Variants in JAKMIP2 observed in about 807,000 individuals in gnomAD.
The protein encoded by JAKMIP2 is janus kinase and microtubule-interacting protein 2.
In JAKMIP2, 25 loss-of-function variants were observed where a neutral mutation model predicts 115.0. The ratio of observed to expected loss-of-function variants is 0.22; its 90% CI spans 0.16 to 0.30. JAKMIP2 has a LOEUF of 0.30. Among genes scored for constraint, JAKMIP2 ranks in the 10% least tolerant of loss-of-function variants. JAKMIP2 has a pLI of 1.00. For synonymous variants in JAKMIP2, 334 were observed against 343.6 expected (o/e 0.97, Z 0.31); for missense variants, 642 against 957.6 (o/e 0.67, Z 4.35).
At chr5:147,648,100 G>C (rs1417447065) in intron 5 of JAKMIP2, among the ~76,000 whole-genome samples, 1 of 152,142 alleles carries the variant, frequency 6.6e-6, no homozygotes, top group African/African-American at 2.4e-5. Context: ...AATGGTGATA[G>C]ACATCTATGG....
intron 14 of JAKMIP2, 77 bp from the exon 15 acceptor site, chr5:147,629,823 A>C: frequency 8.6e-7 from 1 of 1,159,136 alleles, no homozygotes; most frequent in Non-Finnish European, 1.3e-6. Context: ...ATGAAGTTAG[A>C]GGAAGACATT....
intron 1 of JAKMIP2, among the ~76,000 whole-genome samples, chr5:147,693,794 A>G (rs994334153): frequency 6.6e-6 from 1 of 152,178 alleles, no homozygotes; most frequent in Non-Finnish European, 1.5e-5. Context: ...GACTGTTAAA[A>G]TCTTATGTTA....
chr5:147,694,038 C>T (rs1751990623), intron 1 of JAKMIP2, among the ~76,000 whole-genome samples: 1 of 152,118 alleles, frequency 6.6e-6, no homozygotes, highest in Non-Finnish European at 1.5e-5. Flanking sequence ...AGCTGGGCTA[C>T]ATCAATTCCC....
intron 1 of JAKMIP2, among the ~76,000 whole-genome samples, chr5:147,685,803 T>C (rs1009773769): frequency 6.6e-6 from 1 of 152,108 alleles, no homozygotes; most frequent in African/African-American, 2.4e-5. Context: ...TAGCAGTAAT[T>C]TTTTTTGAAT....
At chr5:147,649,948 T>C (rs1448206403) in intron 4 of JAKMIP2, among the ~76,000 whole-genome samples, 1 of 152,198 alleles carries the variant, frequency 6.6e-6, no homozygotes, top group East Asian at 1.9e-4. Flanking sequence ...GTTATACATT[T>C]TGACCCCTGT....
chr5:147,701,982 G>A (rs188688906), intron 1 of JAKMIP2, among the ~76,000 whole-genome samples: 1 of 152,254 alleles, frequency 6.6e-6, no homozygotes, highest in East Asian at 1.9e-4. Flanking sequence ...AACTGCCTTT[G>A]GGGAAACATC....
chr5:147,655,935 C>T (rs1040366077), intron 3 of JAKMIP2, among the ~76,000 whole-genome samples: 1 of 152,120 alleles, frequency 6.6e-6, no homozygotes, highest in African/African-American at 2.4e-5. Context: ...TGATTTCTGC[C>T]TTAATTTTGT....
chr5:147,733,776 C>T (rs935778570), intron 1 of JAKMIP2, among the ~76,000 whole-genome samples: 4 of 152,112 alleles, frequency 2.6e-5, no homozygotes, highest in Non-Finnish European at 5.9e-5. Context: ...CATCCATGTC[C>T]CTACAAAGGA....
rs1395425052 is a variant in JAKMIP2, at chr5:147,628,907, T to TG, written c.1930-92dup. ...TCTGACTGACTGCTACAGAGCATTC[T>TG]GTATAAGCCTGTATAGAAACTTAAC... is the stretch of plus-strand genomic sequence containing the variant. On this transcript the variant is annotated intron_variant, in intron 15 of 21. Transcript: ENST00000616793. 5.8e-5 allele frequency: 45 copies of TG among 774,060 alleles called. 1 individual carries two copies. In the African/African-American group the frequency reaches 7.2e-4, roughly 12 times the overall value. 47.9% of individuals were successfully genotyped at this position (774,060 alleles called of 1,614,324 possible). A position where few individuals can be genotyped will look rare whatever the true frequency, so the allele number is the denominator to read the frequency against.
intron 1 of JAKMIP2, among the ~76,000 whole-genome samples, chr5:147,731,384 T>C (rs1364841417): frequency 1.3e-5 from 2 of 152,172 alleles, no homozygotes; most frequent in Non-Finnish European, 2.9e-5. Flanking sequence ...TTAGCAGTGT[T>C]CTAAAAGTGC....
intron 1 of JAKMIP2, among the ~76,000 whole-genome samples, chr5:147,703,515 T>C (rs1580807558): frequency 6.6e-6 from 1 of 152,168 alleles, no homozygotes; most frequent in East Asian, 1.9e-4. Flanking sequence ...CTGTAGACAT[T>C]ATAAACACTT....
chr5:147,624,964 CTATT>C (rs58840721), intron 16 of JAKMIP2, among the ~76,000 whole-genome samples: 30 of 150,964 alleles, frequency 2.0e-4, no homozygotes, highest in Non-Finnish European at 3.1e-4. Flanking sequence ...CTACAAGGTA[CTATT>C]TATTTATTTA....
chr5:147,624,659 C>A (rs1479686530), intron 16 of JAKMIP2, among the ~76,000 whole-genome samples: 1 of 152,066 alleles, frequency 6.6e-6, no homozygotes, highest in African/African-American at 2.4e-5. Context: ...GTGACCCTAC[C>A]ATATACAGGT....
chr5:147,607,311 T>C (rs1436401498), intron 20 of JAKMIP2, among the ~76,000 whole-genome samples: 1 of 152,230 alleles, frequency 6.6e-6, no homozygotes, highest in East Asian at 1.9e-4. Flanking sequence ...GCTGTGGGTC[T>C]GTCATAAACA....
chr5:147,768,271 C>T (rs369715704), intron 1 of JAKMIP2, among the ~76,000 whole-genome samples: 2 of 152,204 alleles, frequency 1.3e-5, no homozygotes, highest in African/African-American at 2.4e-5. Flanking sequence ...TACAGCTTAC[C>T]GTGCTTTTAG....
chr5:147,719,902 T>C (rs1580830384), intron 1 of JAKMIP2, among the ~76,000 whole-genome samples: 1 of 152,152 alleles, frequency 6.6e-6, no homozygotes, highest in African/African-American at 2.4e-5. Context: ...TGATGTTAGC[T>C]GGTGATTTTG....
chr5:147,607,854 T>C (rs1005785362), intron 20 of JAKMIP2, among the ~76,000 whole-genome samples: 7 of 152,166 alleles, frequency 4.6e-5, no homozygotes, highest in Non-Finnish European at 1.0e-4. Flanking sequence ...ATTTCAGAAC[T>C]TCTTATTGGT....
intron 1 of JAKMIP2, among the ~76,000 whole-genome samples, chr5:147,681,920 G>A (rs1266891823): frequency 1.3e-5 from 2 of 152,118 alleles, no homozygotes; most frequent in East Asian, 3.9e-4. Context: ...GCAAATGCCT[G>A]TAGTCCCAGC....
At chr5:147,677,181 A>G (rs181950861) in intron 1 of JAKMIP2, among the ~76,000 whole-genome samples, 79 of 152,264 alleles carry the variant, frequency 5.2e-4, no homozygotes, top group Admixed American at 1.6e-3. Flanking sequence ...TACCTATGAC[A>G]CTGGATTGCT....
Sources: allele counts gnomAD v4.1 joint callset (sites outside exome capture counted in the v4.1 genomes callset), GRCh38; gene constraint gnomAD v4.1.1; transcripts MANE v1.5; gene names NCBI Gene and HGNC (gene_info 2026-07-23, HGNC 2026-07-21).